Variants in CLIC4 observed in about 807,000 individuals in gnomAD.
The protein encoded by CLIC4 is CLIC family member 4.
In CLIC4, 13 loss-of-function variants were observed where a neutral mutation model predicts 24.6. The ratio of observed to expected loss-of-function variants is 0.53; its 90% CI spans 0.34 to 0.84. CLIC4 has a LOEUF of 0.84. CLIC4 is among the 40% of genes least tolerant of loss of function. The pLI, the probability that CLIC4 is intolerant of heterozygous loss-of-function variation, is 0.01. For synonymous variants in CLIC4, 104 were observed against 111.3 expected, an observed-to-expected ratio of 0.93 and a Z score of 0.41; for missense variants, 227 against 301.7, an observed-to-expected ratio of 0.75 and a Z score of 1.83.
At chr1:24,805,740 C>A (rs1639543621) in intron 2 of CLIC4, among the ~76,000 whole-genome samples, 2 of 152,188 alleles carry the variant, frequency 1.3e-5, no homozygotes, top group Non-Finnish European at 2.9e-5. Flanking sequence ...CATTTCATAC[C>A]AAGCAGCTGG....
At chr1:24,823,217 A>G (rs547189812) in intron 3 of CLIC4, among the ~76,000 whole-genome samples, 3 of 152,218 alleles carry the variant, frequency 2.0e-5, no homozygotes, top group Non-Finnish European at 4.4e-5. Context: ...TGAAAAGCTC[A>G]AATCAGATAA....
At chr1:24,822,898 A>G (rs1223925886) in intron 3 of CLIC4, among the ~76,000 whole-genome samples, 1 of 152,078 alleles carries the variant, frequency 6.6e-6, no homozygotes, top group Non-Finnish European at 1.5e-5. Flanking sequence ...ATTGTGCTAT[A>G]TTGTTCTAGG....
rs1288951127 is a variant in CLIC4, at chr1:24,841,221, A to T, written c.*284A>T. The T allele has an allele frequency of 2.2e-5, 5 of 223,302 alleles. No individual in the cohort carries two copies. In the East Asian group the frequency reaches 4.4e-4, roughly 20 times the overall value. 13.8% of individuals were successfully genotyped at this position (223,302 alleles called of 1,614,324 possible). On this transcript the variant is annotated 3_prime_UTR_variant, in exon 6 of 6. Transcript: ENST00000374379. ...CTTTTCACTTTAGAGGTAGCTTGCC[A>T]TCTCTCAGGAGCCCTCACCATTGTG...
At chr1:24,788,755 T>C (rs1246984852) in intron 1 of CLIC4, among the ~76,000 whole-genome samples, 1 of 152,246 alleles carries the variant, frequency 6.6e-6, no homozygotes, top group Non-Finnish European at 1.5e-5. Context: ...TCCTGCTTTT[T>C]TGCCTCCTAT....
intron 2 of CLIC4, among the ~76,000 whole-genome samples, chr1:24,806,242 G>C (rs748141503): frequency 6.6e-6 from 1 of 152,198 alleles, no homozygotes; most frequent in Admixed American, 6.5e-5. Flanking sequence ...TCTGTAAAAT[G>C]AGCCTTTGTG....
chr1:24,841,262 T>C lies in CLIC4; in HGVS notation c.*325T>C, dbSNP rs1269610071. ...CACCATTGTGTCCATTCACTGTGTA[T>C]AGATGGCAGAACTTTTGAGGTGCAA... On this transcript the variant is annotated 3_prime_UTR_variant, in exon 6 of 6. Transcript: ENST00000374379. The C allele has an allele frequency of 1.1e-5, 2 of 186,652 alleles. No homozygotes were observed. The highest frequency in any genetic ancestry group is 2.2e-5 in the Non-Finnish European group (2 of 90,634). 11.6% of individuals were successfully genotyped at this position (186,652 alleles called of 1,614,324 possible).
At chr1:24,824,634 A>G (rs1204073804) in intron 3 of CLIC4, among the ~76,000 whole-genome samples, 1 of 152,100 alleles carries the variant, frequency 6.6e-6, no homozygotes, top group Non-Finnish European at 1.5e-5. Context: ...TCTGGAACAT[A>G]ATTTCCTTTT....
chr1:24,831,561 A>G (rs1639840745), intron 4 of CLIC4, among the ~76,000 whole-genome samples: 1 of 152,200 alleles, frequency 6.6e-6, no homozygotes, highest in Non-Finnish European at 1.5e-5. Context: ...GACTGATTCC[A>G]TTCATTGTAA....
chr1:24,772,882 A>G (rs775708503), intron 1 of CLIC4, among the ~76,000 whole-genome samples: 2 of 152,246 alleles, frequency 1.3e-5, no homozygotes, highest in Non-Finnish European at 2.9e-5. Context: ...GTTGAGAGCT[A>G]ATATTTTATA....
chr1:24,803,113 A>C lies in CLIC4; in HGVS notation c.182+5262A>C, dbSNP rs562902417. Among the ~76,000 whole-genome samples, 8 of 152,338 alleles carry C rather than the reference A, an allele frequency of 5.3e-5. No individual in the cohort carries two copies. In the South Asian group the frequency reaches 1.0e-3, roughly 20 times the overall value. ...GCATTGGTTCAAAAAACAAAAACAA[A>C]CAACCCACCAGTATATATGAAAGTT... On this transcript the variant is annotated intron_variant, in intron 2 of 5. Transcript: ENST00000374379.
At chr1:24,762,313 T>G (rs1055780910) in intron 1 of CLIC4, among the ~76,000 whole-genome samples, 19 of 152,062 alleles carry the variant, frequency 1.2e-4, no homozygotes, top group African/African-American at 4.6e-4. Context: ...TCCTAGCTAC[T>G]TCAGGAGGCT....
In CLIC4 at chr1:24,814,107, C is replaced by T. The variant is rs1639644629; in HGVS notation, c.196C>T (p.Leu66=). The T allele has an allele frequency of 1.2e-6, 2 of 1,613,836 alleles. No homozygotes were observed. Among genetic ancestry groups the T allele is most frequent in the East Asian group, 4.5e-5 (2 of 44,890 alleles). Residue 66 remains leucine, a synonymous_variant, in exon 3 of 6, where the codon CTG becomes TTG. Transcript: ENST00000374379. ...TTTGCCCAACAGGAAGCCAGCAGAC[C>T]TGCAGAACTTGGCTCCCGGGACCCA... ...TVDLKRKPAD[L]QNLAPGTHPP...
chr1:24,766,471 C>T (rs891518208), intron 1 of CLIC4, among the ~76,000 whole-genome samples: 17 of 72,784 alleles, frequency 2.3e-4, no homozygotes, highest in South Asian at 4.9e-4. Flanking sequence ...GTTGCCCAGA[C>T]GGTTTTTTTT....
chr1:24,782,679 TACAG>T (rs761760466), intron 1 of CLIC4, among the ~76,000 whole-genome samples: 9 of 152,238 alleles, frequency 5.9e-5, no homozygotes, highest in Non-Finnish European at 1.3e-4. Flanking sequence ...ATTTCATACT[TACAG>T]ACAAGTTACA....
At position 24,833,342 on chromosome 1, in the gene CLIC4, C is replaced by T. The variant is rs1218268764; in HGVS notation, c.415+6226C>T. Among the ~76,000 whole-genome samples the T allele has an allele frequency of 6.4e-3, 16 of 2,482 alleles. 1 individual carries two copies. The highest frequency in any genetic ancestry group is 6.8e-3 in the Admixed American group (1 of 148). The allele number at this position is 2,482 out of a possible 152,430, so 1.6% of individuals were successfully genotyped here. ...GCGGCTGGCCAGGCAGGGGGCTGAT[C>T]CCCCCACCTCCCTCCCGGACGGGGC... On this transcript the variant is annotated intron_variant, in intron 4 of 5. Coordinates refer to ENST00000374379, the MANE Select transcript of CLIC4 (RefSeq NM_013943.3).
intron 3 of CLIC4, among the ~76,000 whole-genome samples, chr1:24,822,206 G>A (rs1198782010): frequency 6.6e-6 from 1 of 152,016 alleles, no homozygotes; most frequent in Non-Finnish European, 1.5e-5. Context: ...TCTTTAATTG[G>A]GATTGTGCTT....
At chr1:24,761,217 T>C (rs545366023) in intron 1 of CLIC4, among the ~76,000 whole-genome samples, 2 of 152,288 alleles carry the variant, frequency 1.3e-5, no homozygotes, top group Non-Finnish European at 2.9e-5. Context: ...GTTTAGTTTT[T>C]TGACGTGTTA....
intron 3 of CLIC4, among the ~76,000 whole-genome samples, chr1:24,814,444 A>T (rs1240423337): frequency 2.0e-5 from 3 of 152,206 alleles, no homozygotes; most frequent in Admixed American, 2.0e-4. Flanking sequence ...ATGTGGTAGA[A>T]ACAGATTTGG....
intron 1 of CLIC4, among the ~76,000 whole-genome samples, chr1:24,779,118 G>A (rs1639175237): frequency 6.6e-6 from 1 of 152,002 alleles, no homozygotes; most frequent in Non-Finnish European, 1.5e-5. Flanking sequence ...AATCTACAAA[G>A]AATAGAAAAG....
Sources: gnomAD v4.1 joint callset for allele counts (sites outside exome capture counted in the v4.1 genomes callset) on GRCh38, gnomAD v4.1.1 for gene constraint, MANE v1.5 for transcripts, NCBI Gene and HGNC (gene_info 2026-07-23, HGNC 2026-07-21) for gene names.